The following REPIN1 variants were observed in gnomAD, a reference collection of about 807,000 sequenced individuals.
The protein encoded by REPIN1 is replication initiator 1.
In REPIN1, 4 loss-of-function variants were observed where a neutral mutation model predicts 5.7. That is an observed-to-expected ratio of 0.71 (90% CI 0.35 to 1.62). The LOEUF is 1.62. Among genes scored for constraint, REPIN1 ranks in the 40% most tolerant of loss-of-function variants. The pLI is 0.05. For missense variants in REPIN1, 854 were observed against 901.0 expected, an observed-to-expected ratio of 0.95 and a Z score of 0.67; for synonymous variants, 410 against 386.2, an observed-to-expected ratio of 1.06 and a Z score of -0.72.
In REPIN1 at chr7:150,371,553, C is replaced by T. The variant is rs1221208687; in HGVS notation, c.483C>T (p.Arg161=). The change falls in exon 3 of 3, where the codon CGC becomes CGT. Residue 161 remains arginine (R), a synonymous_variant. Transcript: ENST00000489432. ...FRHAPFLALH[R]QVHAAATPDL... ...ATGCCCCCTTCTTAGCACTGCACCG[C>T]CAGGTCCATGCTGCTGCCACCCCAG... 1 of 1,604,964 alleles carries T rather than the reference C, an allele frequency of 6.2e-7. No homozygotes were observed. Among genetic ancestry groups the T allele is most frequent in the East Asian group, 2.2e-5 (1 of 44,836 alleles).
chr7:150,372,220 C>T lies in REPIN1; in HGVS notation c.1150C>T (p.Pro384Ser), dbSNP rs1392048400. 1.9e-6 allele frequency: 3 copies of T among 1,570,492 alleles called. No homozygotes were observed. Among genetic ancestry groups the T allele is most frequent in the South Asian group, 2.3e-5 (2 of 87,534 alleles). Residue 384 changes from proline to serine, a missense_variant, in exon 3 of 3, where the codon CCG (proline) becomes TCG (serine). Physicochemically the swap from Pro to Ser is moderately conservative, Grantham distance 74. Transcript: ENST00000489432. Reference protein sequence around the residue: ...SEGSAQAAPGPGSPQLPAGPQ... With the variant: ...SEGSAQAAPGSGSPQLPAGPQ... ...GGGGTCGGCCCAGGCCGCCCCCGGCCCGGGGAGCCCCCAGCTGCCAGCCGG... is the reference window on the plus strand; with the variant it reads ...GGGGTCGGCCCAGGCCGCCCCCGGCTCGGGGAGCCCCCAGCTGCCAGCCGG...
upstream of REPIN1, chr7:150,368,417 GC>G (rs1367781571): frequency 2.0e-5 from 3 of 152,080 alleles, no homozygotes; most frequent in Non-Finnish European, 4.4e-5. Flanking sequence ...CGCTCCGGGG[GC>G]TTGCCGGAGC....
At chr7:150,370,001 T>C (rs1213538076) in intron 2 of REPIN1, 133 bp downstream of exon 2, 8 of 1,067,426 alleles carry the variant, frequency 7.5e-6, no homozygotes, top group Non-Finnish European at 1.1e-5. Flanking sequence ...ACACTGGGAA[T>C]GAGTGACCTT....
In REPIN1 at chr7:150,369,812, G is replaced by C; in HGVS notation, c.101G>C (p.Arg34Thr). The change falls in exon 2 of 3, where the codon AGG becomes ACG. Residue 34 changes from arginine (R) to threonine (T), a missense_variant. Coordinates refer to ENST00000489432, the MANE Select transcript of REPIN1 (RefSeq NM_001099695.2). ...SRRCSRGSIP[R>T]NIPKRSWKKP... is the part of the protein sequence containing the mutation. ...CGCTGCAGCCGCGGAAGTATCCCCA[G>C]GAACATCCCCAAGAGGAGCTGGAAA... 6.2e-7 allele frequency: 1 copy of C among 1,613,692 alleles called. No homozygotes were observed. Among genetic ancestry groups the C allele is most frequent in the Non-Finnish European group, 8.5e-7 (1 of 1,179,636 alleles).
Position 150,369,799 on chromosome 7 carries a change from G to A in REPIN1, c.88G>A (p.Gly30Arg), listed in dbSNP as rs1280362358. 6.2e-7 allele frequency: 1 copy of A among 1,613,838 alleles called. No homozygotes were observed. Among genetic ancestry groups the A allele is most frequent in the Non-Finnish European group, 8.5e-7 (1 of 1,179,762 alleles). Residue 30 changes from glycine (G) to arginine (R), a missense_variant, in exon 2 of 3, where the codon GGA (glycine) becomes AGA (arginine). Gly to Arg is a moderately radical substitution (Grantham distance 125). Coordinates refer to ENST00000489432, the MANE Select transcript of REPIN1 (RefSeq NM_001099695.2). The part of the protein sequence containing the change: ...SVGRSRRCSR[G>R]SIPRNIPKRS... ...GGGCCGAAGCAGGCGCTGCAGCCGC[G>A]GAAGTATCCCCAGGAACATCCCCAA...
rs754431029 is a variant in REPIN1, at chr7:150,372,376, G to A, written c.1306G>A (p.Asp436Asn). Residue 436 changes from aspartate (D) to asparagine (N), a missense_variant, in exon 3 of 3, where the codon GAC becomes AAC. Asp to Asn is a conservative substitution (Grantham distance 23, BLOSUM62 1). This residue lies in a region of REPIN1 where 327 missense variants were observed against 307.8 expected (regional missense o/e 1.06). Transcript: ENST00000489432. ...CCCCCCCTCCCTCTACAGCTGCGAC[G>A]ACTGCGGCAGGAGCTTCCGGCTGGA... is the stretch of plus-strand genomic sequence containing the variant. ...EAPPSLYSCD[D>N]CGRSFRLERF... The A allele has an allele frequency of 8.7e-6, 13 of 1,491,528 alleles. No individual in the cohort carries two copies. Among genetic ancestry groups the A allele is most frequent in the African/African-American group, 1.4e-5 (1 of 70,790 alleles). 92.4% of individuals were successfully genotyped at this position (1,491,528 alleles called of 1,614,324 possible).
At position 150,373,079 on chromosome 7, in the gene REPIN1, G is replaced by T. The variant is rs1800051856; in HGVS notation, c.*134G>T. 7.6e-7 allele frequency: 1 copy of T among 1,308,992 alleles called. No individual in the cohort carries two copies. Among genetic ancestry groups the T allele is most frequent in the East Asian group, 2.5e-5 (1 of 39,990 alleles). 81.1% of individuals were successfully genotyped at this position (1,308,992 alleles called of 1,614,324 possible). Reference sequence around the variant, plus strand: ...TCCTAGAGGGGATGGAAGACGCGGGGAGTGAGCTGGGTGGGCCCTGCTAGC... The same window carrying T: ...TCCTAGAGGGGATGGAAGACGCGGGTAGTGAGCTGGGTGGGCCCTGCTAGC... On this transcript the variant is annotated 3_prime_UTR_variant, in exon 3 of 3. Coordinates refer to ENST00000489432, the MANE Select transcript of REPIN1 (RefSeq NM_001099695.2).
intron 1 of REPIN1, 37 bp from the exon 2 acceptor site, chr7:150,369,634 C>G (rs1356100448): frequency 6.3e-7 from 1 of 1,593,686 alleles, no homozygotes; most frequent in Non-Finnish European, 8.5e-7. Flanking sequence ...TAGAGGAGCT[C>G]AGAGCCTCAC....
chr7:150,368,796 G>T (rs1472039514), upstream of REPIN1: 37 of 292,236 alleles, frequency 1.3e-4, no homozygotes, highest in Non-Finnish European at 1.9e-4. Flanking sequence ...GGAACCCGGC[G>T]GGGGGAGGTT....
intron 2 of REPIN1, 113 bp downstream of exon 2, chr7:150,369,981 GCA>G (rs772048152): frequency 9.2e-6 from 12 of 1,297,886 alleles, no homozygotes; most frequent in African/African-American, 4.5e-5. Context: ...TCTTCCCTGT[GCA>G]CAGTCTGACA....
chr7:150,372,748 G>A lies in REPIN1; in HGVS notation c.1678G>A (p.Val560Met), dbSNP rs775899965. ...GKAFSQKSNL[V>M]SHRRIHTGER... Reference sequence around the variant, plus strand: ...AGCCTTCAGCCAGAAGTCCAACCTGGTGTCGCACCGGCGCATCCACACGGG... The same window carrying A: ...AGCCTTCAGCCAGAAGTCCAACCTGATGTCGCACCGGCGCATCCACACGGG... The change falls in exon 3 of 3, where the codon GTG becomes ATG. Residue 560 changes from valine to methionine, a missense_variant. Around this residue, in one of 5 missense-constraint regions of REPIN1, gnomAD observed 101 missense variants for 124.7 expected, o/e 0.81. Coordinates refer to ENST00000489432, the MANE Select transcript of REPIN1 (RefSeq NM_001099695.2). The A allele has an allele frequency of 5.0e-6, 8 of 1,611,824 alleles. No homozygotes were observed. The highest frequency in any genetic ancestry group is 1.3e-5 in the African/African-American group (1 of 74,778).
intron 1 of REPIN1, 85 bp downstream of exon 1, chr7:150,369,026 G>T: frequency 3.3e-6 from 1 of 305,274 alleles, no homozygotes; most frequent in South Asian, 1.5e-4. Flanking sequence ...GAGTGTGCGC[G>T]ACCGTGTGTG....
chr7:150,372,505 T>C lies in REPIN1; in HGVS notation c.1435T>C (p.Ser479Pro), dbSNP rs867465974. The change falls in exon 3 of 3, where the codon TCG becomes CCG. Residue 479 changes from serine (S) to proline (P), a missense_variant. By Grantham distance (74) the Ser-to-Pro change is moderately conservative. Coordinates refer to ENST00000489432, the MANE Select transcript of REPIN1 (RefSeq NM_001099695.2). ...FGKKTHLVAHSRVHSGERPFA... is the reference protein window; with the variant it reads ...FGKKTHLVAHPRVHSGERPFA... ...CAAGAAGACGCACCTGGTGGCGCAC[T>C]CGCGCGTGCACTCCGGCGAGCGGCC... is the stretch of plus-strand genomic sequence containing the variant. 7.8e-6 allele frequency: 12 copies of C among 1,543,842 alleles called. No homozygotes were observed. The highest frequency in any genetic ancestry group is 1.0e-5 in the Non-Finnish European group (12 of 1,151,406).
At position 150,371,535 on chromosome 7, in the gene REPIN1, C is replaced by T. The variant is rs751276060; in HGVS notation, c.465C>T (p.Pro155=). The change falls in exon 3 of 3, where the codon CCC becomes CCT. Residue 155 remains proline (P), a synonymous_variant. Transcript: ENST00000489432. ...PECGRRFRHA[P]FLALHRQVHA... is the part of the protein sequence containing the mutation. ...GTGGCCGTCGCTTTCGCCATGCCCCCTTCTTAGCACTGCACCGCCAGGTCC... is the reference window on the plus strand; with the variant it reads ...GTGGCCGTCGCTTTCGCCATGCCCCTTTCTTAGCACTGCACCGCCAGGTCC... The T allele has an allele frequency of 6.2e-7, 1 of 1,605,242 alleles. No homozygotes were observed.
rs1799915733 is a variant in REPIN1 at position 150,372,367 on chromosome 7, A to C, written c.1297A>C (p.Ser433Arg). Residue 433 changes from serine (S) to arginine (R), a missense_variant, in exon 3 of 3, where the codon AGC (serine) becomes CGC (arginine). This residue lies in a region of REPIN1 where 327 missense variants were observed against 307.8 expected (regional missense o/e 1.06). Coordinates refer to ENST00000489432, the MANE Select transcript of REPIN1 (RefSeq NM_001099695.2). ...GATCGAAGCCCCCCCCTCCCTCTAC[A>C]GCTGCGACGACTGCGGCAGGAGCTT... The part of the protein sequence containing the change: ...DPIEAPPSLY[S>R]CDDCGRSFRL... 6.7e-7 allele frequency: 1 copy of C among 1,494,806 alleles called. No homozygotes were observed. The highest frequency in any genetic ancestry group is 2.4e-5 in the Admixed American group (1 of 41,820). The allele number at this position is 1,494,806 out of a possible 1,614,324, so 92.6% of individuals were successfully genotyped here.
At position 150,373,315 on chromosome 7, in the gene REPIN1, T is replaced by C; in HGVS notation, c.*370T>C. The C allele has an allele frequency of 3.6e-6, 1 of 275,190 alleles. No homozygotes were observed. The highest frequency in any genetic ancestry group is 7.4e-6 in the Non-Finnish European group (1 of 135,462). 17.0% of individuals were successfully genotyped at this position (275,190 alleles called of 1,614,324 possible). ...GTATTAACGCCTTAATGCCCCTGTC[T>C]TTTACTGTAAGTTACTTAAGATCAT... On this transcript the variant is annotated 3_prime_UTR_variant, in exon 3 of 3. Transcript: ENST00000489432.
chr7:150,372,845 A>G lies in REPIN1; in HGVS notation c.1775A>G (p.Lys592Arg), dbSNP rs1800019192. ...SQKSNLITHR[K>R]SHIRDGAFCC... is the part of the protein sequence containing the mutation. ...AAGTCCAACCTCATCACCCACCGCA[A>G]GAGCCACATCCGGGACGGCGCCTTC... Residue 592 changes from lysine to arginine, a missense_variant, in exon 3 of 3, where the codon AAG becomes AGG. Around this residue, in one of 5 missense-constraint regions of REPIN1, gnomAD observed 101 missense variants for 124.7 expected, o/e 0.81. Transcript: ENST00000489432. The G allele has an allele frequency of 1.9e-6, 3 of 1,613,008 alleles. No individual in the cohort carries two copies. The South Asian group carries it at 3.3e-5, about 18-fold the overall frequency.
At position 150,371,659 on chromosome 7, in the gene REPIN1, G is replaced by A; in HGVS notation, c.589G>A (p.Ala197Thr). 1.2e-6 allele frequency: 2 copies of A among 1,604,960 alleles called. No homozygotes were observed. The highest frequency in any genetic ancestry group is 1.7e-6 in the Non-Finnish European group (2 of 1,179,400). The change falls in exon 3 of 3, where the codon GCT (alanine) becomes ACT (threonine). Residue 197 changes from alanine (A) to threonine (T), a missense_variant. Transcript: ENST00000489432. Reference protein sequence around the residue: ...ALVLHLRAHSAAKRPIACPKC... With the variant: ...ALVLHLRAHSTAKRPIACPKC... Reference sequence around the variant, plus strand: ...GGTTCTGCATCTGCGGGCCCATTCAGCTGCAAAGCGGCCCATCGCTTGTCC... The same window carrying A: ...GGTTCTGCATCTGCGGGCCCATTCAACTGCAAAGCGGCCCATCGCTTGTCC...
Position 150,371,979 on chromosome 7 carries a change from G to T in REPIN1, c.909G>T (p.Arg303=). 2 of 1,610,744 alleles carry T rather than the reference G, an allele frequency of 1.2e-6. No individual in the cohort carries two copies. Among genetic ancestry groups the T allele is most frequent in the Non-Finnish European group, 1.7e-6 (2 of 1,179,618 alleles). The change falls in exon 3 of 3, where the codon CGG becomes CGT. Residue 303 remains arginine (R), a synonymous_variant. Transcript: ENST00000489432. ...GTGCCTGTTGTGGCAAGCGCTTCCG[G>T]CACAAGCCCAACTTGATCGCTCACC... The part of the protein sequence containing the change: ...FQCACCGKRF[R]HKPNLIAHRR...
Sources: gnomAD v4.1 joint callset for allele counts on GRCh38, gnomAD v4.1.1 for gene constraint, gnomAD v4.1.1 regional missense constraint, MANE v1.5 for transcripts, NCBI Gene and HGNC (gene_info 2026-07-23, HGNC 2026-07-21) for gene names.